Variants in DLG2 observed in about 807,000 individuals in gnomAD.
The protein encoded by DLG2 is discs large MAGUK scaffold protein 2.
Under a neutral mutation model 132.5 loss-of-function variants are expected in DLG2, and 45 were observed. The observed-to-expected ratio is 0.34, with a 90% CI of 0.27 to 0.44. DLG2 has a LOEUF of 0.44. Ranked by LOEUF, DLG2 falls within the 20% of genes least tolerant of loss-of-function variation. The pLI is 1.00. For missense variants in DLG2, 1,045 were observed against 1,196.9 expected, an observed-to-expected ratio of 0.87 and a Z score of 1.87; for synonymous variants, 424 against 419.6, an observed-to-expected ratio of 1.01 and a Z score of -0.13.
chr11:83,547,958 T>A (rs545143026), intron 19 of DLG2, among the ~76,000 whole-genome samples: 2 of 152,112 alleles, frequency 1.3e-5, no homozygotes, highest in African/African-American at 4.8e-5. Context: ...TAAGAAGAGA[T>A]TGCAGAAATA....
chr11:84,781,899 G>T (rs1406675469), intron 6 of DLG2, among the ~76,000 whole-genome samples: 1 of 152,068 alleles, frequency 6.6e-6, no homozygotes, highest in Admixed American at 6.6e-5. Flanking sequence ...GCAGAGGGCA[G>T]GGTCTAAGAC....
intron 9 of DLG2, among the ~76,000 whole-genome samples, chr11:84,119,108 A>G (rs78944970): frequency 0.031 from 4,699 of 152,112 alleles, 225 homozygotes; most frequent in African/African-American, 0.11. Flanking sequence ...CTTCTCTCCC[A>G]GAAGAAACAT....
intron 3 of DLG2, among the ~76,000 whole-genome samples, chr11:85,337,048 G>A (rs530105011): frequency 6.6e-6 from 1 of 152,204 alleles, no homozygotes; most frequent in African/African-American, 2.4e-5. Flanking sequence ...GCAAAAATGA[G>A]CTCTTCATTG....
At chr11:84,820,330 T>C (rs967170152) in intron 6 of DLG2, among the ~76,000 whole-genome samples, 3 of 151,890 alleles carry the variant, frequency 2.0e-5, no homozygotes, top group African/African-American at 7.2e-5. Flanking sequence ...AATTGAACTA[T>C]AGTTACAGCC....
intron 18 of DLG2, among the ~76,000 whole-genome samples, chr11:83,765,640 T>C (rs569695298): frequency 6.6e-6 from 1 of 152,224 alleles, no homozygotes; most frequent in East Asian, 1.9e-4. Context: ...ATCCAAGATG[T>C]AGACAGATGT....
intron 6 of DLG2, among the ~76,000 whole-genome samples, chr11:85,059,174 A>G (rs1193643859): frequency 6.6e-6 from 1 of 151,352 alleles, no homozygotes; most frequent in Non-Finnish European, 1.5e-5. Context: ...GAAAACCCAG[A>G]CCGATAAATA....
At chr11:83,930,947 T>A (rs1419496403) in intron 14 of DLG2, among the ~76,000 whole-genome samples, 1 of 152,200 alleles carries the variant, frequency 6.6e-6, no homozygotes, top group African/African-American at 2.4e-5. Context: ...ACTGATAATA[T>A]GGAGTGGCAC....
intron 18 of DLG2, among the ~76,000 whole-genome samples, chr11:83,785,999 C>G (rs933036983): frequency 3.3e-5 from 5 of 152,106 alleles, no homozygotes; most frequent in African/African-American, 1.2e-4. Flanking sequence ...AAAGGAGCAA[C>G]CTATATATGA....
intron 19 of DLG2, among the ~76,000 whole-genome samples, chr11:83,612,184 T>A (rs190691773): frequency 1.1e-4 from 17 of 152,286 alleles, no homozygotes; most frequent in African/African-American, 4.1e-4. Flanking sequence ...CAGGGCTAGG[T>A]GCTTTACTTG....
intron 6 of DLG2, among the ~76,000 whole-genome samples, chr11:84,691,086 A>G (rs1240358225): frequency 1.3e-5 from 2 of 151,836 alleles, no homozygotes; most frequent in East Asian, 1.9e-4. Flanking sequence ...TTTCAAGTGT[A>G]TAAATTTTAG....
intron 6 of DLG2, among the ~76,000 whole-genome samples, chr11:84,591,909 A>G (rs1343036638): frequency 6.6e-6 from 1 of 152,080 alleles, no homozygotes; most frequent in Non-Finnish European, 1.5e-5. Context: ...GCTAGAGTGC[A>G]GTGGCATGAT....
intron 14 of DLG2, among the ~76,000 whole-genome samples, chr11:83,944,158 A>T (rs1372231083): frequency 6.6e-6 from 1 of 152,176 alleles, no homozygotes; most frequent in Non-Finnish European, 1.5e-5. Flanking sequence ...AAAATGACTA[A>T]GCATTATGGG....
chr11:84,067,553 CCA>C (rs2096696391), intron 10 of DLG2, among the ~76,000 whole-genome samples: 2 of 90,778 alleles, frequency 2.2e-5, no homozygotes, highest in Non-Finnish European at 5.1e-5. Context: ...AATACACCCC[CCA>C]CCACACACAC....
At chr11:84,338,096 G>A (rs2098496234) in intron 7 of DLG2, among the ~76,000 whole-genome samples, 1 of 152,114 alleles carries the variant, frequency 6.6e-6, no homozygotes, top group Non-Finnish European at 1.5e-5. Flanking sequence ...AAAAAAATAA[G>A]AGAGATATTT....
chr11:84,549,060 C>T (rs141567141), intron 6 of DLG2, among the ~76,000 whole-genome samples: 1 of 152,232 alleles, frequency 6.6e-6, no homozygotes, highest in East Asian at 1.9e-4. Flanking sequence ...AGGAAAAATT[C>T]TCTAGTCCTG....
chr11:85,467,950 T>C, intron 3 of DLG2, among the ~76,000 whole-genome samples: 1 of 152,312 alleles, frequency 6.6e-6, no homozygotes, highest in East Asian at 1.9e-4. Context: ...TGGACTTTTT[T>C]TGGTTGGTAG....
chr11:85,513,592 C>A (rs1322866497), intron 3 of DLG2, among the ~76,000 whole-genome samples: 1 of 151,910 alleles, frequency 6.6e-6, no homozygotes, highest in Non-Finnish European at 1.5e-5. Context: ...ACTAGTATAT[C>A]TTCTTGCCTC....
chr11:85,545,858 G>C (rs938953849), intron 3 of DLG2, among the ~76,000 whole-genome samples: 2 of 151,836 alleles, frequency 1.3e-5, no homozygotes, highest in African/African-American at 4.8e-5. Flanking sequence ...TTTTTTTATT[G>C]CATCTATTTG....
chr11:84,608,015 C>A (rs2099588845), intron 6 of DLG2, among the ~76,000 whole-genome samples: 1 of 152,122 alleles, frequency 6.6e-6, no homozygotes, highest in Non-Finnish European at 1.5e-5. Context: ...GATAACAATT[C>A]CTGTGTCAAG....
Sources: gnomAD v4.1 joint callset for allele counts (sites outside exome capture counted in the v4.1 genomes callset) on GRCh38, gnomAD v4.1.1 for gene constraint, MANE v1.5 for transcripts, NCBI Gene and HGNC (gene_info 2026-07-23, HGNC 2026-07-21) for gene names.